The following CAB39 variants were observed in gnomAD, a reference collection of about 807,000 sequenced individuals.
CAB39 encodes calcium binding protein 39, also known as calcium-binding protein 39.
A neutral mutation model predicts 40.0 loss-of-function variants in CAB39; 8 were observed. The observed-to-expected ratio is 0.20, with a 90% CI of 0.12 to 0.36. The LOEUF (loss-of-function observed/expected upper bound fraction) is 0.36, where lower values mean the gene tolerates loss of function less well. CAB39 is among the 10% of genes least tolerant of loss of function. The probability of loss-of-function intolerance (pLI) is 1.00; values close to 1 mark genes in which losing one functional copy is unlikely to be tolerated. For missense variants in CAB39, 270 were observed against 401.1 expected, an observed-to-expected ratio of 0.67 and a Z score of 2.79; for synonymous variants, 156 against 141.6, an observed-to-expected ratio of 1.10 and a Z score of -0.72.
At chr2:230,807,862 G>A (rs1696229721) in intron 5 of CAB39, among the ~76,000 whole-genome samples, 1 of 152,096 alleles carries the variant, frequency 6.6e-6, no homozygotes, top group African/African-American at 2.4e-5. Context: ...CTCTTCGTGA[G>A]GTTATGACAG....
intron 1 of CAB39, among the ~76,000 whole-genome samples, chr2:230,733,961 CCT>C (rs752099918): frequency 1.3e-5 from 2 of 152,046 alleles, no homozygotes; most frequent in African/African-American, 2.4e-5. Flanking sequence ...TGTTTCTTCC[CCT>C]GTTAATGACA....
chr2:230,786,179 A>C (rs958720536), intron 2 of CAB39, among the ~76,000 whole-genome samples: 2 of 141,342 alleles, frequency 1.4e-5, no homozygotes, highest in African/African-American at 5.0e-5. Context: ...AAAAAAAAAA[A>C]AAAAAAAAAG....
At chr2:230,778,831 T>C (rs1695639674) in intron 2 of CAB39, among the ~76,000 whole-genome samples, 1 of 152,174 alleles carries the variant, frequency 6.6e-6, no homozygotes. Context: ...GCGAATACTG[T>C]AGGCAGTTGG....
At chr2:230,763,590 T>C (rs1695332208) in intron 2 of CAB39, among the ~76,000 whole-genome samples, 1 of 149,154 alleles carries the variant, frequency 6.7e-6, no homozygotes, top group Admixed American at 6.7e-5. Flanking sequence ...AGATTCTGTC[T>C]CAAAAAAAAA....
intron 4 of CAB39, among the ~76,000 whole-genome samples, chr2:230,796,783 G>A (rs1695994210): frequency 6.6e-6 from 1 of 152,134 alleles, no homozygotes; most frequent in Non-Finnish European, 1.5e-5. Context: ...TAGGACTTAA[G>A]ATGGGAGTTC....
intron 1 of CAB39, among the ~76,000 whole-genome samples, chr2:230,737,391 G>A (rs1694804810): frequency 6.6e-6 from 1 of 152,072 alleles, no homozygotes; most frequent in South Asian, 2.1e-4. Flanking sequence ...TACCCTCTCA[G>A]GACACCTGCA....
intron 1 of CAB39, 136 bp from the exon 2 acceptor site, chr2:230,759,823 C>T: frequency 2.1e-6 from 1 of 474,888 alleles, no homozygotes; most frequent in Non-Finnish European, 3.8e-6. Flanking sequence ...TTGTGGATTT[C>T]CCTGTTCCTA....
intron 1 of CAB39, among the ~76,000 whole-genome samples, chr2:230,725,889 G>T (rs1015749328): frequency 2.6e-5 from 4 of 152,156 alleles, no homozygotes; most frequent in Admixed American, 6.5e-5. Flanking sequence ...GGAAAAGATG[G>T]AATCTACAAA....
At chr2:230,763,631 C>T (rs1358737200) in intron 2 of CAB39, among the ~76,000 whole-genome samples, 2 of 151,702 alleles carry the variant, frequency 1.3e-5, no homozygotes, top group African/African-American at 2.4e-5. Context: ...AACCTGGTCT[C>T]ACAGCTGTGT....
rs181686697 is a variant in CAB39 at position 230,721,696 on chromosome 2, G to C, written c.-44+8466G>C. Among the ~76,000 whole-genome samples the C allele has an allele frequency of 4.6e-5, 7 of 152,282 alleles. No individual in the cohort carries two copies. The East Asian group carries it at 1.3e-3, about 29-fold the overall frequency. ...AGGTTCCAGGGTGAGATTTCAACTT[G>C]GGAAAACACTGGGTTAAACATAGTT... On this transcript the variant is annotated intron_variant, in intron 1 of 8. Coordinates refer to ENST00000258418, the MANE Select transcript of CAB39 (RefSeq NM_016289.4).
intron 2 of CAB39, among the ~76,000 whole-genome samples, chr2:230,771,828 A>G (rs1389093969): frequency 1.3e-5 from 2 of 152,244 alleles, no homozygotes; most frequent in African/African-American, 2.4e-5. Flanking sequence ...ACAAAGGCAT[A>G]AATGCAGTTG....
intron 5 of CAB39, among the ~76,000 whole-genome samples, chr2:230,804,500 A>T (rs1696153933): frequency 1.3e-5 from 2 of 152,248 alleles, no homozygotes; most frequent in Admixed American, 1.3e-4. Context: ...TACCCATCTG[A>T]CAAAGGGCTA....
chr2:230,731,691 G>A (rs1040118488), intron 1 of CAB39, among the ~76,000 whole-genome samples: 1 of 152,056 alleles, frequency 6.6e-6, no homozygotes, highest in East Asian at 1.9e-4. Context: ...TAGACACGGG[G>A]TCTTGCTATG....
intron 1 of CAB39, 129 bp from the exon 2 acceptor site, chr2:230,759,830 C>A (rs1231000322): frequency 2.1e-6 from 1 of 480,590 alleles, no homozygotes; most frequent in Non-Finnish European, 3.8e-6. Flanking sequence ...TTTCCCTGTT[C>A]CTACTGATTT....
chr2:230,784,221 A>T (rs1695748537), intron 2 of CAB39, among the ~76,000 whole-genome samples: 1 of 152,192 alleles, frequency 6.6e-6, no homozygotes, highest in Non-Finnish European at 1.5e-5. Flanking sequence ...GTGTAGTAAC[A>T]TCATCAGTGG....
intron 2 of CAB39, among the ~76,000 whole-genome samples, chr2:230,781,369 G>T (rs1242268203): frequency 1.3e-5 from 2 of 152,202 alleles, no homozygotes; most frequent in African/African-American, 4.8e-5. Flanking sequence ...TTAAAGGATT[G>T]TTTCTGAGCT....
At chr2:230,814,006 T>TTTTTTG in intron 6 of CAB39, 43 bp from the exon 7 acceptor site, 1 of 469,338 alleles carries the variant, frequency 2.1e-6, no homozygotes, top group South Asian at 2.2e-5. Context: ...TTTTTTTTTT[T>TTTTTTG]TTTTTTGGCA....
At chr2:230,713,867 A>G (rs1381879605) in intron 1 of CAB39, 1 of 152,332 alleles carries the variant, frequency 6.6e-6, no homozygotes, top group Non-Finnish European at 1.5e-5. Flanking sequence ...TAAGACGAGA[A>G]CACAAATAAC....
At chr2:230,784,307 C>A (rs1359590554) in intron 2 of CAB39, among the ~76,000 whole-genome samples, 1 of 152,090 alleles carries the variant, frequency 6.6e-6, no homozygotes, top group Non-Finnish European at 1.5e-5. Context: ...TAGATGTATT[C>A]GATTTGAGGT....
Sources: gnomAD v4.1 joint callset for allele counts (sites outside exome capture counted in the v4.1 genomes callset) on GRCh38, gnomAD v4.1.1 for gene constraint, MANE v1.5 for transcripts, NCBI Gene and HGNC (gene_info 2026-07-23, HGNC 2026-07-21) for gene names.